Variants in ZMIZ1 observed in about 807,000 individuals in gnomAD.
ZMIZ1 encodes the protein zinc finger MIZ domain-containing protein 1.
A neutral mutation model predicts 113.9 loss-of-function variants in ZMIZ1; 17 were observed. The ratio of observed to expected loss-of-function variants is 0.15; its 90% CI spans 0.10 to 0.22. The LOEUF (loss-of-function observed/expected upper bound fraction) is 0.22, where lower values mean the gene tolerates loss of function less well. Among genes scored for constraint, ZMIZ1 ranks in the 10% least tolerant of loss-of-function variants. The probability of loss-of-function intolerance (pLI) is 1.00; values close to 1 mark genes in which losing one functional copy is unlikely to be tolerated. For synonymous variants in ZMIZ1, 607 were observed against 603.1 expected (o/e 1.01, Z -0.09); for missense variants, 1,059 against 1,477.8 (o/e 0.72, Z 4.65).
intron 8 of ZMIZ1, among the ~76,000 whole-genome samples, chr10:79,288,597 T>C (rs1363749424): frequency 6.6e-6 from 1 of 152,172 alleles, no homozygotes; most frequent in Non-Finnish European, 1.5e-5. Context: ...CGCTTTGCTT[T>C]TCTGCTCTTC....
intron 7 of ZMIZ1, among the ~76,000 whole-genome samples, chr10:79,220,027 G>A (rs1220954155): frequency 1.3e-5 from 2 of 152,194 alleles, no homozygotes; most frequent in Non-Finnish European, 2.9e-5. Flanking sequence ...GCCAGGAGCA[G>A]GCTGGGCCAT....
At chr10:79,181,101 T>C (rs965093638) in intron 4 of ZMIZ1, among the ~76,000 whole-genome samples, 8 of 152,192 alleles carry the variant, frequency 5.3e-5, no homozygotes, top group African/African-American at 1.9e-4. Flanking sequence ...GGGTTCCCAC[T>C]GAGACGGACC....
chr10:79,099,097 C>CA (rs1205046477), intron 1 of ZMIZ1, among the ~76,000 whole-genome samples: 1 of 152,196 alleles, frequency 6.6e-6, no homozygotes, highest in Non-Finnish European at 1.5e-5. Flanking sequence ...GCAAGGCCTG[C>CA]ACCCCCTCCT....
intron 7 of ZMIZ1, among the ~76,000 whole-genome samples, chr10:79,271,056 G>A (rs1022551825): frequency 6.6e-6 from 1 of 152,202 alleles, no homozygotes; most frequent in Non-Finnish European, 1.5e-5. Flanking sequence ...CAGGACACTC[G>A]ATGTCCTCAT....
chr10:79,209,853 C>T (rs1848467151), intron 6 of ZMIZ1, among the ~76,000 whole-genome samples: 1 of 152,236 alleles, frequency 6.6e-6, no homozygotes, highest in South Asian at 2.1e-4. Context: ...GGATTACAGC[C>T]GAGGCCTGCC....
intron 7 of ZMIZ1, among the ~76,000 whole-genome samples, chr10:79,256,248 TG>T (rs1850894648): frequency 6.6e-6 from 1 of 152,324 alleles, no homozygotes; most frequent in East Asian, 1.9e-4. Context: ...GAGGGAATTC[TG>T]GGGGGCCTCC....
chr10:79,292,427 T>G, intron 11 of ZMIZ1, 71 bp downstream of exon 11: 2 of 1,558,416 alleles, frequency 1.3e-6, no homozygotes. Flanking sequence ...GAAACCAGAG[T>G]TGGGATGTCA....
intron 7 of ZMIZ1, among the ~76,000 whole-genome samples, chr10:79,249,977 G>C (rs1436118109): frequency 6.6e-6 from 1 of 152,216 alleles, no homozygotes; most frequent in Non-Finnish European, 1.5e-5. Flanking sequence ...CTGAGCCTCT[G>C]TTTCCTGATC....
chr10:79,261,443 A>C (rs561845947), intron 7 of ZMIZ1, among the ~76,000 whole-genome samples: 1 of 152,194 alleles, frequency 6.6e-6, no homozygotes, highest in African/African-American at 2.4e-5. Context: ...TAAACACTGC[A>C]GAGGCCTAAA....
chr10:79,166,431 G>T (rs546603188), intron 4 of ZMIZ1, among the ~76,000 whole-genome samples: 21 of 152,360 alleles, frequency 1.4e-4, no homozygotes, highest in East Asian at 9.7e-4. Context: ...TGCACTCCGT[G>T]TGTGGCCAGG....
chr10:79,202,654 C>T (rs2490275), intron 5 of ZMIZ1, among the ~76,000 whole-genome samples: 111,211 of 152,120 alleles, frequency 0.73, 40,722 homozygotes, highest in East Asian at 0.78. Flanking sequence ...CAGGAGTTCC[C>T]CTATTTGGAC....
intron 1 of ZMIZ1, among the ~76,000 whole-genome samples, chr10:79,076,986 T>C (rs1842496368): frequency 6.6e-6 from 1 of 152,178 alleles, no homozygotes; most frequent in African/African-American, 2.4e-5. Flanking sequence ...ACCTTTGTCC[T>C]TTGCAGAGCA....
At chr10:79,170,065 G>A (rs1210887280) in intron 4 of ZMIZ1, among the ~76,000 whole-genome samples, 1 of 152,216 alleles carries the variant, frequency 6.6e-6, no homozygotes, top group Non-Finnish European at 1.5e-5. Flanking sequence ...GGCCACCTGG[G>A]ACACCTGTTT....
At chr10:79,212,231 C>T (rs1399082523) in intron 6 of ZMIZ1, among the ~76,000 whole-genome samples, 1 of 152,060 alleles carries the variant, frequency 6.6e-6, no homozygotes, top group Non-Finnish European at 1.5e-5. Context: ...GATCATTGCT[C>T]ACTGCAGCCT....
chr10:79,104,128 G>A (rs899966617), intron 1 of ZMIZ1, among the ~76,000 whole-genome samples: 3 of 152,216 alleles, frequency 2.0e-5, no homozygotes, highest in Non-Finnish European at 4.4e-5. Context: ...ACCAGACAAT[G>A]TAGTGACCCC....
At chr10:79,096,632 G>A (rs142532045) in intron 1 of ZMIZ1, among the ~76,000 whole-genome samples, 114 of 152,308 alleles carry the variant, frequency 7.5e-4, no homozygotes, top group African/African-American at 2.6e-3. Context: ...TTCTTGACCC[G>A]AAACGCTGCC....
At chr10:79,294,898 C>T (rs1196219648) in intron 12 of ZMIZ1, 3 of 115,562 alleles carry the variant, frequency 2.6e-5, no homozygotes, top group Non-Finnish European at 3.5e-5. Context: ...GGCGGGGAGG[C>T]TTGGCAACAA....
At chr10:79,278,191 C>T (rs1852427213) in intron 8 of ZMIZ1, among the ~76,000 whole-genome samples, 1 of 152,194 alleles carries the variant, frequency 6.6e-6, no homozygotes, top group Non-Finnish European at 1.5e-5. Context: ...GACCTTAGTG[C>T]TCATCATGTC....
chr10:79,195,065 G>A (rs996205775), intron 4 of ZMIZ1, among the ~76,000 whole-genome samples: 2 of 152,190 alleles, frequency 1.3e-5, no homozygotes, highest in African/African-American at 2.4e-5. Flanking sequence ...AACAGCTCCC[G>A]GGGCTGCCGG....
Sources: allele counts gnomAD v4.1 joint callset (sites outside exome capture counted in the v4.1 genomes callset), GRCh38; gene constraint gnomAD v4.1.1; transcripts MANE v1.5; gene names NCBI Gene and HGNC (gene_info 2026-07-23, HGNC 2026-07-21).